Variants in DYM observed in about 807,000 individuals in gnomAD.
DYM encodes the protein dymeclin, also known as dyggve-Melchior-Clausen syndrome protein.
In DYM, 78 loss-of-function variants were observed where a neutral mutation model predicts 93.1. That is an observed-to-expected ratio of 0.84 (90% confidence interval 0.70 to 1.01). DYM has a LOEUF of 1.01. DYM is among the 50% of genes least tolerant of loss of function. The pLI, the probability that DYM is intolerant of heterozygous loss-of-function variation, is 0.00. For missense variants in DYM, 789 were observed against 845.0 expected, an observed-to-expected ratio of 0.93 and a Z score of 0.82; for synonymous variants, 321 against 319.7, an observed-to-expected ratio of 1.00 and a Z score of -0.04.
At chr18:49,088,652 T>C (rs919770023) in intron 17 of DYM, among the ~76,000 whole-genome samples, 4 of 152,140 alleles carry the variant, frequency 2.6e-5, no homozygotes, top group African/African-American at 4.8e-5. Context: ...TCTACAACAC[T>C]GAGTACAAAT....
At chr18:49,359,896 C>T (rs1246864217) in intron 6 of DYM, 2 of 152,142 alleles carry the variant, frequency 1.3e-5, no homozygotes, top group Non-Finnish European at 2.9e-5. Context: ...TACTGCACTA[C>T]AGTTAGAGGA....
intron 1 of DYM, among the ~76,000 whole-genome samples, chr18:49,435,279 C>T (rs985344289): frequency 1.3e-5 from 2 of 148,434 alleles, no homozygotes; most frequent in African/African-American, 5.0e-5. Context: ...ATGCAACAGA[C>T]AGGCAGAAAG....
At chr18:49,056,589 G>A (rs1342099823) in intron 17 of DYM, among the ~76,000 whole-genome samples, 1 of 152,158 alleles carries the variant, frequency 6.6e-6, no homozygotes, top group Non-Finnish European at 1.5e-5. Flanking sequence ...CCAGGCTGGA[G>A]TGCATTGGTG....
rs544807960 is a variant in DYM, at chr18:49,037,820, A to C, written c.*6235T>G. 6.6e-6 allele frequency among the ~76,000 whole-genome samples: 1 copy of C among 152,210 alleles called. No individual in the cohort carries two copies. The highest frequency in any genetic ancestry group is 1.9e-4 in the East Asian group (1 of 5,184). On this transcript the variant is annotated 3_prime_UTR_variant, in exon 18 of 18. Transcript: ENST00000675505. ...AACATATTTCATTTGAAGTATTTTC[A>C]GGTTTGTTGAGACTTTTTTTCTGAG... is the stretch of plus-strand genomic sequence containing the variant.
chr18:49,142,844 A>G (rs2084674790), intron 15 of DYM, among the ~76,000 whole-genome samples: 1 of 152,240 alleles, frequency 6.6e-6, no homozygotes, highest in Admixed American at 6.5e-5. Flanking sequence ...AGGAAAGATG[A>G]TAAGGTGCTA....
At chr18:49,420,624 C>G (rs2073569106) in intron 2 of DYM, among the ~76,000 whole-genome samples, 1 of 152,132 alleles carries the variant, frequency 6.6e-6, no homozygotes, top group South Asian at 2.1e-4. Flanking sequence ...TCTGCATTTC[C>G]AACTGAGGTA....
At chr18:49,413,679 A>G (rs372524966) in intron 2 of DYM, among the ~76,000 whole-genome samples, 2 of 152,172 alleles carry the variant, frequency 1.3e-5, no homozygotes, top group African/African-American at 4.8e-5. Flanking sequence ...AGTCAGACTT[A>G]AGGAAGGAAA....
intron 16 of DYM, among the ~76,000 whole-genome samples, chr18:49,108,266 T>C (rs1216080569): frequency 6.6e-6 from 1 of 152,192 alleles, no homozygotes; most frequent in Non-Finnish European, 1.5e-5. Context: ...AGCACAGTAT[T>C]AGGGTGGGAG....
intron 6 of DYM, among the ~76,000 whole-genome samples, chr18:49,336,558 T>G (rs1040969059): frequency 6.6e-6 from 1 of 152,202 alleles, no homozygotes; most frequent in Non-Finnish European, 1.5e-5. Flanking sequence ...AACAGAACCA[T>G]GTGTGTCTTC....
At chr18:49,355,699 A>C (rs140917726) in intron 6 of DYM, among the ~76,000 whole-genome samples, 74 of 152,252 alleles carry the variant, frequency 4.9e-4, no homozygotes, top group African/African-American at 1.5e-3. Flanking sequence ...TAATAACTGC[A>C]AATTTTAATT....
At position 49,375,193 on chromosome 18, in the gene DYM, G is replaced by GACACACACAC. The variant is rs34631271; in HGVS notation, c.421+3364_421+3373dup. ...AGTTACAAAGCGGGAAAGGGGAAAA[G>GACACACACAC]ACACACACACACACACACACACACA... On this transcript the variant is annotated intron_variant, in intron 5 of 17. Coordinates refer to ENST00000675505, the MANE Select transcript of DYM (RefSeq NM_001353214.3). Among the ~76,000 whole-genome samples, 817 of 137,978 alleles carry GACACACACAC rather than the reference G, an allele frequency of 5.9e-3. 2 individuals are homozygous for GACACACACAC. Among genetic ancestry groups the GACACACACAC allele is most frequent in the African/African-American group, 0.018 (658 of 37,022 alleles). 90.5% of individuals were successfully genotyped at this position (137,978 alleles called of 152,430 possible). A position where few individuals can be genotyped will look rare whatever the true frequency, so the allele number is the denominator to read the frequency against.
At chr18:49,292,131 G>T (rs1040080789) in intron 8 of DYM, among the ~76,000 whole-genome samples, 1 of 152,018 alleles carries the variant, frequency 6.6e-6, no homozygotes, top group Non-Finnish European at 1.5e-5. Flanking sequence ...GAAATGAGTT[G>T]ACTACTACTG....
chr18:49,325,229 C>T (rs1384433940), intron 8 of DYM, among the ~76,000 whole-genome samples: 1 of 152,162 alleles, frequency 6.6e-6, no homozygotes, highest in Non-Finnish European at 1.5e-5. Flanking sequence ...ATCCTTGTTC[C>T]TTATTAACTC....
chr18:49,225,396 C>T (rs1445466837), intron 13 of DYM, among the ~76,000 whole-genome samples: 2 of 152,026 alleles, frequency 1.3e-5, no homozygotes, highest in African/African-American at 2.4e-5. Flanking sequence ...CTGCCAGCAA[C>T]GAACATCCTG....
intron 8 of DYM, among the ~76,000 whole-genome samples, chr18:49,304,907 C>T (rs1399015975): frequency 6.6e-6 from 1 of 152,124 alleles, no homozygotes; most frequent in Non-Finnish European, 1.5e-5. Context: ...TATTCTACCT[C>T]AGCTACCCAG....
chr18:49,088,093 T>C (rs1468195692), intron 17 of DYM, among the ~76,000 whole-genome samples: 4 of 152,152 alleles, frequency 2.6e-5, no homozygotes, highest in African/African-American at 9.7e-5. Flanking sequence ...GTAGTTTCTT[T>C]TGCTGTGCAG....
rs1039690352 is a variant in DYM at position 49,098,520 on chromosome 18, G to A, written c.1912-1005C>T. On this transcript the variant is annotated intron_variant, in intron 16 of 17. Transcript: ENST00000675505. Reference sequence around the variant, plus strand: ...TGGAAGGTAAAGAGACTTAGCTGGCGCCACAGCCATTAACAAGCATGTGCC... The same window carrying A: ...TGGAAGGTAAAGAGACTTAGCTGGCACCACAGCCATTAACAAGCATGTGCC... Among the ~76,000 whole-genome samples, 8 of 152,150 alleles carry A rather than the reference G, an allele frequency of 5.3e-5. 1 individual carries two copies. In the South Asian group the frequency reaches 8.3e-4, roughly 16 times the overall value.
intron 2 of DYM, 109 bp from the exon 3 acceptor site, chr18:49,391,754 TATG>T (rs1489032062): frequency 3.1e-6 from 3 of 963,692 alleles, no homozygotes; most frequent in Non-Finnish European, 4.8e-6. Flanking sequence ...AGAAGAAAAA[TATG>T]GTGCACAGTA....
chr18:49,241,211 T>C (rs1162037227), intron 13 of DYM, among the ~76,000 whole-genome samples: 1 of 152,212 alleles, frequency 6.6e-6, no homozygotes, highest in Non-Finnish European at 1.5e-5. Context: ...GTGGACATTC[T>C]ACTCACTCAC....
Sources: allele counts gnomAD v4.1 joint callset (sites outside exome capture counted in the v4.1 genomes callset), GRCh38; gene constraint gnomAD v4.1.1; transcripts MANE v1.5; gene names NCBI Gene and HGNC (gene_info 2026-07-23, HGNC 2026-07-21).